The following NGLY1 variants were observed in gnomAD, a reference collection of about 807,000 sequenced individuals.
NGLY1 encodes peptide-N(4)-(N-acetyl-beta-glucosaminyl)asparagine amidase.
NGLY1 carries 68 observed loss-of-function variants against 84.6 expected under a neutral mutation model. The ratio of observed to expected loss-of-function variants is 0.80; its 90% CI spans 0.66 to 0.98. The LOEUF is 0.98. Among genes scored for constraint, NGLY1 ranks in the 50% least tolerant of loss-of-function variants. The probability of loss-of-function intolerance (pLI) is 0.00; values close to 1 mark genes in which losing one functional copy is unlikely to be tolerated. For missense variants in NGLY1, 779 were observed against 770.2 expected, an observed-to-expected ratio of 1.01 and a Z score of -0.14; for synonymous variants, 280 against 275.2, an observed-to-expected ratio of 1.02 and a Z score of -0.17.
chr3:25,757,767 A>C (rs1253287761), intron 3 of NGLY1, among the ~76,000 whole-genome samples: 1 of 152,244 alleles, frequency 6.6e-6, no homozygotes, highest in African/African-American at 2.4e-5. Flanking sequence ...AGAAAGTATG[A>C]GAATTTCTGT....
rs144596564 is a variant in NGLY1, at chr3:25,764,091, G to A, written c.467C>T (p.Ser156Leu). 4.3e-6 allele frequency: 7 copies of A among 1,614,030 alleles called. No homozygotes were observed. In the African/African-American group the frequency reaches 5.3e-5, roughly 12 times the overall value. Residue 156 changes from serine to leucine, a missense_variant, in exon 3 of 12, where the codon TCA (serine) becomes TTA (leucine). Physicochemically the swap from Ser to Leu is moderately radical, Grantham distance 145. Transcript: ENST00000280700. ...NQHTRNRQGQ[S>L]SDPPSASTVA... ...CGTTGAAGCAGATGGTGGATCTGAT[G>A]ACTGCCCTTGACGGTTCCTTGTGTG...
At chr3:25,763,860 T>C (rs558741409) in intron 3 of NGLY1, among the ~76,000 whole-genome samples, 23 of 152,294 alleles carry the variant, frequency 1.5e-4, no homozygotes, top group African/African-American at 5.5e-4. Flanking sequence ...AGGCAGCAGG[T>C]ACAATTTAGA....
rs189081720 is a variant in NGLY1 at position 25,750,954 on chromosome 3, C to T, written c.658+144G>A. On this transcript the variant is annotated intron_variant, in intron 4 of 11. Coordinates refer to ENST00000280700, the MANE Select transcript of NGLY1 (RefSeq NM_018297.4). Reference sequence around the variant, plus strand: ...ATATGGGTTTTGCATCCTGTGAATCCACGTTTGGTTTAAAAGAATCCACAT... The same window carrying T: ...ATATGGGTTTTGCATCCTGTGAATCTACGTTTGGTTTAAAAGAATCCACAT... The T allele has an allele frequency of 1.6e-3, 1,229 of 752,724 alleles. 6 individuals carry two copies. The highest frequency in any genetic ancestry group is 8.2e-3 in the South Asian group (364 of 44,616). The allele number at this position is 752,724 out of a possible 1,614,324, so 46.6% of individuals were successfully genotyped here. A position where few individuals can be genotyped will look rare whatever the true frequency, so the allele number is the denominator to read the frequency against.
At chr3:25,746,534 G>A (rs1706442884) in intron 4 of NGLY1, among the ~76,000 whole-genome samples, 1 of 152,216 alleles carries the variant, frequency 6.6e-6, no homozygotes, top group Non-Finnish European at 1.5e-5. Context: ...TGGAGCAAAT[G>A]TTAGCAGGGA....
At chr3:25,773,422 C>T (rs1707992099) in intron 2 of NGLY1, among the ~76,000 whole-genome samples, 2 of 152,130 alleles carry the variant, frequency 1.3e-5, no homozygotes, top group Non-Finnish European at 2.9e-5. Context: ...ATTGTTGAAA[C>T]TTTCCGATGC....
intron 3 of NGLY1, among the ~76,000 whole-genome samples, chr3:25,752,065 A>AC (rs1393187628): frequency 6.6e-6 from 1 of 152,218 alleles, no homozygotes; most frequent in East Asian, 1.9e-4. Context: ...ATATGGATCT[A>AC]CAACAACTGT....
chr3:25,774,258 G>A (rs1708042109), intron 2 of NGLY1, among the ~76,000 whole-genome samples: 1 of 152,204 alleles, frequency 6.6e-6, no homozygotes, highest in African/African-American at 2.4e-5. Flanking sequence ...GCCAGAAGGT[G>A]ATGCTTTCAA....
intron 4 of NGLY1, chr3:25,749,839 G>T: frequency 9.2e-7 from 1 of 1,082,374 alleles, no homozygotes; most frequent in Non-Finnish European, 1.4e-6. Context: ...GAGCCACCCA[G>T]CTGGCCATCA....
At chr3:25,746,147 C>A (rs920270056) in intron 4 of NGLY1, among the ~76,000 whole-genome samples, 2 of 152,062 alleles carry the variant, frequency 1.3e-5, no homozygotes, top group African/African-American at 4.8e-5. Context: ...TACACCCTAC[C>A]CTACACACAG....
chr3:25,769,091 G>A (rs755117869), intron 2 of NGLY1, among the ~76,000 whole-genome samples: 88 of 151,860 alleles, frequency 5.8e-4, no homozygotes, highest in Non-Finnish European at 9.0e-4. Flanking sequence ...CGGCGCATTG[G>A]CTCACGCCTG....
chr3:25,780,473 A>G (rs1180102354), intron 1 of NGLY1, among the ~76,000 whole-genome samples: 1 of 152,204 alleles, frequency 6.6e-6, no homozygotes, highest in African/African-American at 2.4e-5. Flanking sequence ...TACTGGTTCA[A>G]AACTGCTTGA....
chr3:25,749,846 A>G lies in NGLY1; in HGVS notation c.658+1252T>C, dbSNP rs1386696037. The G allele has an allele frequency of 2.9e-5, 30 of 1,029,700 alleles. No individual in the cohort carries two copies. In the Admixed American group the frequency reaches 5.1e-4, roughly 17 times the overall value. The allele number at this position is 1,029,700 out of a possible 1,614,324, so 63.8% of individuals were successfully genotyped here. ...CATGGAAAGAGCCACCCAGCTGGCC[A>G]TCAGAGTCACCAACCCCAATGCCAG... On this transcript the variant is annotated intron_variant, in intron 4 of 11. Transcript: ENST00000280700.
chr3:25,729,440 T>C (rs1398008959), intron 9 of NGLY1, 122 bp from the exon 10 acceptor site: 12 of 452,454 alleles, frequency 2.7e-5, no homozygotes, highest in East Asian at 7.1e-5. Flanking sequence ...ATTAGTGCCA[T>C]TGGAAAATTT....
chr3:25,742,021 TA>T (rs1217752085), intron 4 of NGLY1, among the ~76,000 whole-genome samples: 1 of 151,924 alleles, frequency 6.6e-6, no homozygotes, highest in African/African-American at 2.4e-5. Flanking sequence ...AATTTCTAAA[TA>T]CATAAAGAAC....
At chr3:25,778,744 A>G in intron 1 of NGLY1, 56 bp from the exon 2 acceptor site, 3 of 1,059,118 alleles carry the variant, frequency 2.8e-6, no homozygotes, top group Non-Finnish European at 2.8e-6. Flanking sequence ...ATAGTTCTTC[A>G]AAGACTTTAC....
At chr3:25,781,243 G>A (rs1708404235) in intron 1 of NGLY1, among the ~76,000 whole-genome samples, 1 of 152,136 alleles carries the variant, frequency 6.6e-6, no homozygotes, top group Admixed American at 6.5e-5. Context: ...GAGCCACCGT[G>A]CCCAGTGAGC....
Position 25,764,143 on chromosome 3 carries a change from A to G in NGLY1, c.415T>C (p.Ser139Pro), listed in dbSNP as rs1456914207. Residue 139 changes from serine (S) to proline (P), a missense_variant, in exon 3 of 12, where the codon TCT (serine) becomes CCT (proline). Coordinates refer to ENST00000280700, the MANE Select transcript of NGLY1 (RefSeq NM_018297.4). Reference sequence around the variant, plus strand: ...TGGTTTAACCCACTGGGATTTGAAGATGGTGTTGTAGGAAGCTGGGTACTG... The same window carrying G: ...TGGTTTAACCCACTGGGATTTGAAGGTGGTGTTGTAGGAAGCTGGGTACTG... Reference protein sequence around the residue: ...AASTQLPTTPSSNPSGLNQHT... With the variant: ...AASTQLPTTPPSNPSGLNQHT... The G allele has an allele frequency of 4.3e-6, 7 of 1,614,140 alleles. No individual in the cohort carries two copies. The highest frequency in any genetic ancestry group is 1.7e-5 in the Admixed American group (1 of 60,018).
chr3:25,760,670 A>G (rs1707268367), intron 3 of NGLY1, among the ~76,000 whole-genome samples: 1 of 151,814 alleles, frequency 6.6e-6, no homozygotes, highest in Non-Finnish European at 1.5e-5. Context: ...GACCAGCCTG[A>G]CCAACATGGA....
chr3:25,740,236 A>C (rs1706061956), intron 4 of NGLY1, among the ~76,000 whole-genome samples: 1 of 152,212 alleles, frequency 6.6e-6, no homozygotes, highest in African/African-American at 2.4e-5. Context: ...GAAATCACAG[A>C]ATTCCAGACA....
Sources: allele counts gnomAD v4.1 joint callset (sites outside exome capture counted in the v4.1 genomes callset), GRCh38; gene constraint gnomAD v4.1.1; transcripts MANE v1.5; gene names NCBI Gene and HGNC (gene_info 2026-07-23, HGNC 2026-07-21).